Variants in SYMPK observed in about 807,000 individuals in gnomAD.
The protein encoded by SYMPK is symplekin.
SYMPK carries 49 observed loss-of-function variants against 136.4 expected under a neutral mutation model. The ratio of observed to expected loss-of-function variants is 0.36; its 90% CI spans 0.29 to 0.46. The LOEUF (loss-of-function observed/expected upper bound fraction) is 0.46, where lower values mean the gene tolerates loss of function less well. SYMPK is among the 20% of genes least tolerant of loss of function. The probability of loss-of-function intolerance (pLI) is 1.00; values close to 1 mark genes in which losing one functional copy is unlikely to be tolerated. For synonymous variants in SYMPK, 766 were observed against 713.0 expected (o/e 1.07, Z -1.19); for missense variants, 1,365 against 1,690.0 (o/e 0.81, Z 3.37).
chr19:45,834,931 C>T, intron 11 of SYMPK, 147 bp downstream of exon 11: 1 of 670,204 alleles, frequency 1.5e-6, no homozygotes, highest in South Asian at 3.9e-5. Context: ...AAACACTGAG[C>T]CATCTATCTG....
intron 5 of SYMPK, among the ~76,000 whole-genome samples, chr19:45,852,003 G>A (rs1294620778): frequency 1.3e-5 from 2 of 152,254 alleles, no homozygotes; most frequent in Admixed American, 1.3e-4. Flanking sequence ...GGAGGAAAGG[G>A]TGGCTTGGGC....
rs200632491 is a variant in SYMPK at position 45,847,423 on chromosome 19, C to CAA, written c.676+327_676+328dup. ...TGGGCGACAGAGGAAGACTCCATCT[C>CAA]AAAAAAAAAAAAAAGAAAACCATAA... On this transcript the variant is annotated intron_variant, in intron 7 of 26. Transcript: ENST00000245934. Among the ~76,000 whole-genome samples, 6 of 127,736 alleles carry CAA rather than the reference C, an allele frequency of 4.7e-5. No homozygotes were observed. The South Asian group carries it at 7.4e-4, about 16-fold the overall frequency. 83.8% of individuals were successfully genotyped at this position (127,736 alleles called of 152,430 possible).
At chr19:45,858,509 G>A (rs1971885922) in intron 1 of SYMPK, among the ~76,000 whole-genome samples, 1 of 152,024 alleles carries the variant, frequency 6.6e-6, no homozygotes, top group Non-Finnish European at 1.5e-5. Context: ...GGTCTTCCCT[G>A]ACGACTATGT....
intron 1 of SYMPK, among the ~76,000 whole-genome samples, chr19:45,859,808 G>A (rs1337381496): frequency 6.6e-6 from 1 of 151,280 alleles, no homozygotes; most frequent in African/African-American, 2.4e-5. Context: ...TTGGGAGGCT[G>A]AAGCAGGAAG....
At position 45,825,598 on chromosome 19, in the gene SYMPK, C is replaced by T. The variant is rs546634212; in HGVS notation, c.2330-267G>A. 3.3e-5 allele frequency among the ~76,000 whole-genome samples: 5 copies of T among 152,330 alleles called. No homozygotes were observed. The East Asian group carries it at 9.7e-4, about 29-fold the overall frequency. On this transcript the variant is annotated intron_variant, in intron 17 of 26. Transcript: ENST00000245934. The stretch of plus-strand genomic sequence containing the variant: ...GTCCCTCTCTGGCTCCAATCCCAGC[C>T]ATGCCTGCCCTGTGGCCTCAGAATA...
chr19:45,827,700 G>C (rs1971077633), intron 15 of SYMPK, 77 bp from the exon 16 acceptor site: 10 of 1,510,168 alleles, frequency 6.6e-6, no homozygotes, highest in Non-Finnish European at 8.3e-6. Flanking sequence ...GCCTGCCTCT[G>C]ATCAGGTACC....
intron 12 of SYMPK, 198 bp downstream of exon 12, chr19:45,831,186 T>A (rs1971162350): frequency 5.1e-6 from 2 of 389,214 alleles, no homozygotes; most frequent in East Asian, 7.4e-5. Flanking sequence ...TTTTTTTTTT[T>A]TACAGGAAAG....
chr19:45,830,614 G>C (rs181806026), intron 12 of SYMPK: 48 of 164,994 alleles, frequency 2.9e-4, no homozygotes, highest in African/African-American at 1.1e-3. Context: ...TTGGGGCTGG[G>C]CACGGTGGCT....
chr19:45,848,690 ATTAGT>A, intron 6 of SYMPK, 55 bp downstream of exon 6: 2 of 1,607,900 alleles, frequency 1.2e-6, no homozygotes, highest in Non-Finnish European at 1.7e-6. Flanking sequence ...ACCCCAACAT[ATTAGT>A]TTGTCAACGA....
At chr19:45,838,735 G>A (rs544814798) in intron 9 of SYMPK, 120 bp from the exon 10 acceptor site, 44 of 1,121,944 alleles carry the variant, frequency 3.9e-5, no homozygotes, top group Middle Eastern at 2.9e-4. Flanking sequence ...AGCAAACAGC[G>A]GATGAAGATC....
intron 17 of SYMPK, among the ~76,000 whole-genome samples, chr19:45,825,873 C>T (rs779064296): frequency 2.6e-5 from 4 of 152,230 alleles, no homozygotes; most frequent in Non-Finnish European, 5.9e-5. Context: ...TCCCGTGCTG[C>T]CCTATCATGG....
chr19:45,841,485 G>C lies in SYMPK; in HGVS notation c.1087+765C>G, dbSNP rs531157186. 3.5e-4 allele frequency among the ~76,000 whole-genome samples: 53 copies of C among 151,944 alleles called. No individual in the cohort carries two copies. In the South Asian group the frequency reaches 0.011, roughly 31 times the overall value. ...TTTTTGTATTATTAGTAGAGACGGG[G>C]TTTTTCCATGTTGGCCAGGCTGGTG... On this transcript the variant is annotated intron_variant, in intron 9 of 26. Transcript: ENST00000245934.
chr19:45,829,979 A>C, intron 13 of SYMPK, 75 bp downstream of exon 13: 2 of 1,476,422 alleles, frequency 1.4e-6, no homozygotes, highest in South Asian at 2.6e-5. Flanking sequence ...CCAGGGCCAG[A>C]CTCTTCGCTG....
At chr19:45,832,879 G>C (rs1971217347) in intron 11 of SYMPK, among the ~76,000 whole-genome samples, 1 of 146,432 alleles carries the variant, frequency 6.8e-6, no homozygotes, top group Non-Finnish European at 1.5e-5. Context: ...AAAAAAATCA[G>C]CCAGGCATGG....
intron 2 of SYMPK, 22 bp from the exon 3 acceptor site, chr19:45,854,262 G>A (rs770474197): frequency 3.7e-6 from 6 of 1,613,158 alleles, no homozygotes; most frequent in Non-Finnish European, 5.1e-6. Context: ...GGGAGTGGCA[G>A]GGGATAGTGC....
chr19:45,842,148 T>C (rs897679068), intron 9 of SYMPK, 102 bp downstream of exon 9: 16 of 1,535,886 alleles, frequency 1.0e-5, no homozygotes, highest in Non-Finnish European at 1.4e-5. Context: ...CATAACATAA[T>C]CTATAATATA....
Position 45,830,193 on chromosome 19 carries a change from G to A in SYMPK, c.1610C>T (p.Ala537Val). Reference protein sequence around the residue: ...IPVTQPRLAGAGGRKKIFRLS... With the variant: ...IPVTQPRLAGVGGRKKIFRLS... ...ACGGAAAATTTTCTTGCGCCCACCA[G>A]CGCCTGCCAGCCTGTGTGGAAGAGC... The change falls in exon 13 of 27, where the codon GCT (alanine) becomes GTT (valine). Residue 537 changes from alanine (A) to valine (V), a missense_variant. By Grantham distance (64) the Ala-to-Val change is moderately conservative. This residue lies in a region of SYMPK where 303 missense variants were observed against 326.6 expected (regional missense o/e 0.93). Coordinates refer to ENST00000245934, the MANE Select transcript of SYMPK (RefSeq NM_004819.3). 3 of 1,610,246 alleles carry A rather than the reference G, an allele frequency of 1.9e-6. No homozygotes were observed. Among genetic ancestry groups the A allele is most frequent in the Non-Finnish European group, 2.5e-6 (3 of 1,178,014 alleles).
intron 22 of SYMPK, chr19:45,820,881 G>T: frequency 1.9e-6 from 1 of 521,346 alleles, no homozygotes; most frequent in Non-Finnish European, 3.4e-6. Context: ...GGCGTTCAGG[G>T]AGAGCCCAGC....
At chr19:45,817,442 T>TTTTTTTTTTTTTTTTTTTG (rs1970779605) in intron 23 of SYMPK, among the ~76,000 whole-genome samples, 1 of 91,086 alleles carries the variant, frequency 1.1e-5, no homozygotes, top group African/African-American at 4.9e-5. Flanking sequence ...TTTTTTTTTT[T>TTTTTTTTTTTTTTTTTTTG]TTTGAGAGAT....
Sources: allele counts gnomAD v4.1 joint callset (sites outside exome capture counted in the v4.1 genomes callset), GRCh38; gene constraint gnomAD v4.1.1; regional missense constraint gnomAD v4.1.1; transcripts MANE v1.5; gene names NCBI Gene and HGNC (gene_info 2026-07-23, HGNC 2026-07-21).